The following RORA variants were observed in gnomAD, a reference collection of about 807,000 sequenced individuals.
RORA encodes RAR related orphan receptor A.
In RORA, 7 loss-of-function variants were observed where a neutral mutation model predicts 69.5. The ratio of observed to expected loss-of-function variants is 0.10; its 90% CI spans 0.06 to 0.19. The LOEUF is 0.19. Ranked by LOEUF, RORA falls within the 10% of genes least tolerant of loss-of-function variation. The pLI is 1.00. For synonymous variants in RORA, 261 were observed against 240.8 expected (o/e 1.08, Z -0.78); for missense variants, 457 against 663.0 (o/e 0.69, Z 3.41).
intron 1 of RORA, among the ~76,000 whole-genome samples, chr15:60,924,715 T>C (rs188051047): frequency 1.3e-5 from 2 of 152,324 alleles, no homozygotes; most frequent in East Asian, 3.9e-4. Flanking sequence ...GTGGAAATAC[T>C]GTGAACTATA....
At chr15:60,921,024 C>A (rs187381369) in intron 1 of RORA, among the ~76,000 whole-genome samples, 3 of 152,172 alleles carry the variant, frequency 2.0e-5, no homozygotes, top group African/African-American at 4.8e-5. Flanking sequence ...ACCTCATAGC[C>A]TCCTAAGACC....
At chr15:61,148,796 C>T (rs2079373298) in intron 1 of RORA, among the ~76,000 whole-genome samples, 1 of 152,124 alleles carries the variant, frequency 6.6e-6, no homozygotes, top group Admixed American at 6.6e-5. Flanking sequence ...GATCATGAAG[C>T]CTGACTAGGC....
In RORA at chr15:60,531,784, A is replaced by G; in HGVS notation, c.264T>C (p.Ile88=). Residue 88 remains isoleucine, a synonymous_variant, in exon 3 of 11, where the codon ATT becomes ATC. Coordinates refer to ENST00000335670, the MANE Select transcript of RORA (RefSeq NM_134261.3). This position sits in a 1 kb window ranked among gnomAD's most constrained non-coding sequence, Gnocchi z 4.8. ...GGCTTACCTTGCAGCCTTCACATGT[A>G]ATGACACCATAATGGATTCCTGATG... ...DKSSGIHYGV[I]TCEGCKGFFR... 1 of 1,585,938 alleles carries G rather than the reference A, an allele frequency of 6.3e-7. No individual in the cohort carries two copies. The highest frequency in any genetic ancestry group is 8.6e-7 in the Non-Finnish European group (1 of 1,164,878).
chr15:60,637,547 TTTAA>T (rs1264934154), intron 2 of RORA, among the ~76,000 whole-genome samples: 2 of 152,150 alleles, frequency 1.3e-5, no homozygotes, highest in South Asian at 4.1e-4. Context: ...ATTCTCGTTA[TTTAA>T]TTAATTTTTC....
At chr15:61,222,552 G>A (rs917822444) in intron 1 of RORA, among the ~76,000 whole-genome samples, 2 of 152,204 alleles carry the variant, frequency 1.3e-5, no homozygotes, top group African/African-American at 4.8e-5. Context: ...TGATGTCTTT[G>A]CTCCAAAATC....
chr15:60,965,815 C>G (rs1893540584), intron 1 of RORA, among the ~76,000 whole-genome samples: 1 of 152,142 alleles, frequency 6.6e-6, no homozygotes, highest in African/African-American at 2.4e-5. Context: ...AAAACCTGAC[C>G]AAACCTTCAC....
intron 1 of RORA, among the ~76,000 whole-genome samples, chr15:60,823,349 G>C (rs113631922): frequency 1.5e-3 from 229 of 152,156 alleles, no homozygotes; most frequent in African/African-American, 5.3e-3. Flanking sequence ...GCCACCACAG[G>C]CTTTCCCTGT....
At chr15:61,071,877 C>T (rs1388410800) in intron 1 of RORA, among the ~76,000 whole-genome samples, 1 of 151,980 alleles carries the variant, frequency 6.6e-6, no homozygotes, top group Non-Finnish European at 1.5e-5. Flanking sequence ...ACCCTCCCTA[C>T]TGAGTTTTGA....
chr15:60,818,190 G>A (rs564147652), intron 1 of RORA, among the ~76,000 whole-genome samples: 23 of 152,160 alleles, frequency 1.5e-4, no homozygotes, highest in African/African-American at 5.5e-4. Flanking sequence ...ATTTAGGTTG[G>A]TGCAAAAGTT....
At chr15:60,557,035 A>C in intron 2 of RORA, 1 of 851,956 alleles carries the variant, frequency 1.2e-6, no homozygotes, top group Non-Finnish European at 1.9e-6. Flanking sequence ...ATAAGTACCC[A>C]AAAAAGTACT....
chr15:60,710,785 G>A (rs1220526974), intron 1 of RORA, among the ~76,000 whole-genome samples: 1 of 152,166 alleles, frequency 6.6e-6, no homozygotes, highest in African/African-American at 2.4e-5. Context: ...GAAAAGCAGG[G>A]CTCTGCTTAC....
chr15:61,006,605 C>T (rs893264439), intron 1 of RORA, among the ~76,000 whole-genome samples: 4 of 152,174 alleles, frequency 2.6e-5, no homozygotes, highest in Non-Finnish European at 4.4e-5. Context: ...ACAATCCATG[C>T]TGTTGCTCCT....
chr15:60,618,718 T>C (rs1023316543), intron 2 of RORA, among the ~76,000 whole-genome samples: 32 of 152,218 alleles, frequency 2.1e-4, no homozygotes, highest in African/African-American at 7.7e-4. Flanking sequence ...TCTTTTGAGT[T>C]TTACCTCTTA....
intron 1 of RORA, among the ~76,000 whole-genome samples, chr15:60,919,617 T>A (rs1348914508): frequency 1.3e-5 from 2 of 152,184 alleles, no homozygotes; most frequent in Admixed American, 6.5e-5. Flanking sequence ...CACATTCCTT[T>A]CACTGGTCAA....
intron 2 of RORA, among the ~76,000 whole-genome samples, chr15:60,630,866 ATTTGGGCCAGGATGAGAC>A (rs1410528728): frequency 6.8e-6 from 1 of 146,590 alleles, no homozygotes; most frequent in Non-Finnish European, 1.5e-5. Context: ...GGTAGATGGC[ATTTGGGCCAGGATGAGAC>A]TTTCTTTTTT....
At chr15:61,187,358 G>A (rs962594367) in intron 1 of RORA, among the ~76,000 whole-genome samples, 2 of 152,188 alleles carry the variant, frequency 1.3e-5, no homozygotes, top group East Asian at 1.9e-4. Flanking sequence ...GCAGAGTTCC[G>A]GACTATTAAT....
chr15:60,896,685 G>C (rs1287517796), intron 1 of RORA, among the ~76,000 whole-genome samples: 1 of 151,184 alleles, frequency 6.6e-6, no homozygotes, highest in Non-Finnish European at 1.5e-5. Flanking sequence ...TATTCTGAGA[G>C]GCAACCCATT....
intron 1 of RORA, among the ~76,000 whole-genome samples, chr15:60,764,260 G>A (rs1429364054): frequency 6.6e-6 from 1 of 151,938 alleles, no homozygotes; most frequent in South Asian, 2.1e-4. Context: ...GCCAAGCAGA[G>A]AGGCTGGGGT....
intron 2 of RORA, among the ~76,000 whole-genome samples, chr15:60,629,375 C>T (rs1045503062): frequency 5.9e-5 from 9 of 151,770 alleles, no homozygotes; most frequent in African/African-American, 2.2e-4. Flanking sequence ...TTAGTAGATA[C>T]GAGGTTTTGC....
Sources: gnomAD v4.1 joint callset for allele counts (sites outside exome capture counted in the v4.1 genomes callset) on GRCh38, gnomAD v4.1.1 for gene constraint, Gnocchi (gnomAD v3.1) non-coding constraint, MANE v1.5 for transcripts, NCBI Gene and HGNC (gene_info 2026-07-23, HGNC 2026-07-21) for gene names.